KLHL2: variants seen among roughly 807,000 people sequenced by gnomAD.
KLHL2 encodes kelch-like protein 2.
In KLHL2, 15 loss-of-function variants were observed where a neutral mutation model predicts 75.8. The observed-to-expected ratio is 0.20, with a 90% CI of 0.13 to 0.30. The LOEUF (loss-of-function observed/expected upper bound fraction) is 0.30. Ranked by LOEUF, KLHL2 falls within the 10% of genes least tolerant of loss-of-function variation. The probability of loss-of-function intolerance (pLI) is 1.00; values close to 1 mark genes in which losing one functional copy is unlikely to be tolerated. For missense variants in KLHL2, 381 were observed against 741.0 expected, an observed-to-expected ratio of 0.51 and a Z score of 5.64; for synonymous variants, 214 against 251.9, an observed-to-expected ratio of 0.85 and a Z score of 1.42.
intron 5 of KLHL2, chr4:165,278,190 G>T: frequency 1.5e-6 from 2 of 1,292,744 alleles, no homozygotes; most frequent in Non-Finnish European, 2.3e-6. Flanking sequence ...GGTTCAAACC[G>T]CTCCATCGTG....
In KLHL2 at chr4:165,317,679, C is replaced by A. The variant is rs544869189; in HGVS notation, c.1610-147C>A. The A allele has an allele frequency of 1.5e-5, 10 of 648,272 alleles. No homozygotes were observed. The African/African-American group carries it at 1.7e-4, about 11-fold the overall frequency. The allele number at this position is 648,272 out of a possible 1,614,324, so 40.2% of individuals were successfully genotyped here. On this transcript the variant is annotated intron_variant, in intron 13 of 14. Coordinates refer to ENST00000226725, the MANE Select transcript of KLHL2 (RefSeq NM_007246.4). ...GGTGCCTGGCTATCCTAATATAAAA[C>A]GAATTCTTTTCATGCTCACTATTTT...
At chr4:165,276,237 G>A (rs759487604) in intron 5 of KLHL2, among the ~76,000 whole-genome samples, 22 of 152,260 alleles carry the variant, frequency 1.4e-4, no homozygotes, top group Non-Finnish European at 2.5e-4. Context: ...AGGCCCCGGC[G>A]GTAGTAACTA....
chr4:165,226,800 G>A (rs1462973350), intron 2 of KLHL2, among the ~76,000 whole-genome samples: 3 of 151,650 alleles, frequency 2.0e-5, no homozygotes, highest in African/African-American at 7.3e-5. Context: ...TCTTAAAACC[G>A]TATAGCTTTA....
chr4:165,321,529 G>A (rs958445315), intron 14 of KLHL2, among the ~76,000 whole-genome samples: 25 of 152,158 alleles, frequency 1.6e-4, no homozygotes, highest in Admixed American at 1.2e-3. Flanking sequence ...TCAGTAAGGC[G>A]TTTGGTCAAC....
At position 165,317,934 on chromosome 4, in the gene KLHL2, T is replaced by C; in HGVS notation, c.1718T>C (p.Val573Ala). ...YNPTTDKWTV[V>A]SSCMSTGRSY... is the part of the protein sequence containing the mutation. The stretch of plus-strand genomic sequence containing the variant: ...CCAACAACCGATAAATGGACAGTTG[T>C]GTCATCGTGTATGAGCACAGGGAGA... The change falls in exon 14 of 15, where the codon GTG (valine) becomes GCG (alanine). Residue 573 changes from valine (V) to alanine (A), a missense_variant. Transcript: ENST00000226725. 6.2e-7 allele frequency: 1 copy of C among 1,614,074 alleles called. No homozygotes were observed. The highest frequency in any genetic ancestry group is 8.5e-7 in the Non-Finnish European group (1 of 1,179,960).
chr4:165,262,236 CAAAT>C (rs1357957930), intron 4 of KLHL2, among the ~76,000 whole-genome samples: 1 of 152,134 alleles, frequency 6.6e-6, no homozygotes, highest in East Asian at 1.9e-4. Context: ...TGGAGTTACT[CAAAT>C]AAAAATGCAA....
At chr4:165,242,818 TA>T (rs1739927000) in intron 4 of KLHL2, among the ~76,000 whole-genome samples, 1 of 152,136 alleles carries the variant, frequency 6.6e-6, no homozygotes, top group African/African-American at 2.4e-5. Context: ...GCTTTAGATA[TA>T]AAAAATATAA....
At chr4:165,209,892 G>A (rs1056310049) in intron 1 of KLHL2, 103 of 694,186 alleles carry the variant, frequency 1.5e-4, no homozygotes, top group Non-Finnish European at 1.8e-4. Context: ...ATCAGAAATA[G>A]TTTTTTTCCT....
intron 9 of KLHL2, among the ~76,000 whole-genome samples, chr4:165,307,182 C>T (rs1321343126): frequency 1.3e-5 from 2 of 152,136 alleles, no homozygotes; most frequent in Non-Finnish European, 2.9e-5. Flanking sequence ...GTGGCAGGCA[C>T]CTGTAATACC....
At chr4:165,277,903 A>T in intron 5 of KLHL2, 2 of 850,986 alleles carry the variant, frequency 2.4e-6, no homozygotes, top group Admixed American at 1.7e-5. Flanking sequence ...GAATAGTGTC[A>T]TCGCATTAAG....
intron 1 of KLHL2, among the ~76,000 whole-genome samples, chr4:165,213,355 A>T (rs2110947078): frequency 6.6e-6 from 1 of 152,340 alleles, no homozygotes; most frequent in African/African-American, 2.4e-5. Context: ...AGGCAGTCAC[A>T]GCCTTTCATC....
chr4:165,295,725 C>T (rs112328545), intron 6 of KLHL2, among the ~76,000 whole-genome samples: 1 of 151,924 alleles, frequency 6.6e-6, no homozygotes, highest in Non-Finnish European at 1.5e-5. Flanking sequence ...GAGGGCATTC[C>T]AGGTAGAAGA....
At chr4:165,298,717 C>G (rs894878697) in intron 7 of KLHL2, among the ~76,000 whole-genome samples, 1 of 152,090 alleles carries the variant, frequency 6.6e-6, no homozygotes, top group African/African-American at 2.4e-5. Context: ...CGGAGGCAGG[C>G]ATGAGGCCAG....
At chr4:165,256,821 A>C (rs575830153) in intron 4 of KLHL2, among the ~76,000 whole-genome samples, 1 of 152,370 alleles carries the variant, frequency 6.6e-6, no homozygotes, top group African/African-American at 2.4e-5. Context: ...ATTGTGGTAT[A>C]GCCCTCTAAT....
intron 5 of KLHL2, among the ~76,000 whole-genome samples, chr4:165,289,348 C>A (rs1744327077): frequency 6.6e-6 from 1 of 151,894 alleles, no homozygotes; most frequent in South Asian, 2.1e-4. Flanking sequence ...CATTAGATAT[C>A]AATACTTAAA....
At chr4:165,236,672 A>T (rs1739374065) in intron 3 of KLHL2, among the ~76,000 whole-genome samples, 1 of 152,238 alleles carries the variant, frequency 6.6e-6, no homozygotes, top group Non-Finnish European at 1.5e-5. Flanking sequence ...ACTCTTTAGT[A>T]TGGGCTTTGA....
chr4:165,302,073 TG>T (rs1177357894), intron 8 of KLHL2, among the ~76,000 whole-genome samples: 1 of 152,228 alleles, frequency 6.6e-6, no homozygotes, highest in Non-Finnish European at 1.5e-5. Context: ...TATTTTGTGC[TG>T]GGTATGTGGG....
At chr4:165,210,540 A>G (rs1260182279) in intron 1 of KLHL2, among the ~76,000 whole-genome samples, 1 of 152,166 alleles carries the variant, frequency 6.6e-6, no homozygotes, top group African/African-American at 2.4e-5. Context: ...TATATGTGGC[A>G]TTTAGATTCT....
chr4:165,208,743 C>T (rs1262741372), intron 1 of KLHL2, among the ~76,000 whole-genome samples: 2 of 151,776 alleles, frequency 1.3e-5, no homozygotes, highest in African/African-American at 4.8e-5. Context: ...ATTTTGGTTC[C>T]CTCTTCTCTT....
Sources: allele counts gnomAD v4.1 joint callset (sites outside exome capture counted in the v4.1 genomes callset), GRCh38; gene constraint gnomAD v4.1.1; transcripts MANE v1.5; gene names NCBI Gene and HGNC (gene_info 2026-07-23, HGNC 2026-07-21).